Variants in FAM204A observed in about 807,000 individuals in gnomAD.
FAM204A encodes the protein protein FAM204A.
FAM204A carries 16 observed loss-of-function variants against 35.4 expected under a neutral mutation model. The ratio of observed to expected loss-of-function variants is 0.45; its 90% CI spans 0.31 to 0.69. FAM204A has a LOEUF of 0.69. Ranked by LOEUF, FAM204A falls within the 30% of genes least tolerant of loss-of-function variation. The probability of loss-of-function intolerance (pLI) is 0.07; values close to 1 mark genes in which losing one functional copy is unlikely to be tolerated. For synonymous variants in FAM204A, 76 were observed against 86.9 expected (o/e 0.88, Z 0.70); for missense variants, 240 against 265.7 (o/e 0.90, Z 0.67).
Position 118,310,763 on chromosome 10 carries a change from G to T in FAM204A, c.*94C>A. On this transcript the variant is annotated 3_prime_UTR_variant, in exon 9 of 9. Coordinates refer to ENST00000369183, the MANE Select transcript of FAM204A (RefSeq NM_022063.3). Reference sequence around the variant, plus strand: ...ATTTTATGCTTATTTTTGTTTTAGTGCTATCAATTTTCTGACATATTAACA... The same window carrying T: ...ATTTTATGCTTATTTTTGTTTTAGTTCTATCAATTTTCTGACATATTAACA... 1.9e-6 allele frequency: 2 copies of T among 1,041,968 alleles called. No homozygotes were observed. The highest frequency in any genetic ancestry group is 2.9e-6 in the Non-Finnish European group (2 of 695,770). The allele number at this position is 1,041,968 out of a possible 1,614,324, so 64.5% of individuals were successfully genotyped here.
At chr10:118,327,051 T>G (rs963790119) in intron 6 of FAM204A, among the ~76,000 whole-genome samples, 2 of 152,172 alleles carry the variant, frequency 1.3e-5, no homozygotes, top group Non-Finnish European at 2.9e-5. Context: ...TTTGTGAAAA[T>G]AGTTGCTACA....
intron 6 of FAM204A, among the ~76,000 whole-genome samples, chr10:118,332,833 C>T (rs955581974): frequency 2.0e-5 from 3 of 152,210 alleles, no homozygotes; most frequent in African/African-American, 7.2e-5. Flanking sequence ...CATAAAACTA[C>T]TTCAATAATG....
At position 118,302,641 on chromosome 10, in the gene FAM204A, G is replaced by A. The variant is rs1049698692; in HGVS notation, c.*8216C>T. The A allele has an allele frequency of 3.3e-5, 5 of 152,208 alleles. No homozygotes were observed. The highest frequency in any genetic ancestry group is 1.9e-4 in the East Asian group (1 of 5,198). 9.4% of individuals were successfully genotyped at this position (152,208 alleles called of 1,614,324 possible). A position where few individuals can be genotyped will look rare whatever the true frequency, so the allele number is the denominator to read the frequency against. ...GCTGGCAAGGAAGCAAGTACCAAGC[G>A]AGGATTCCAATTGAGTTCTTTGACA... On this transcript the variant is annotated 3_prime_UTR_variant, in exon 9 of 9. Coordinates refer to ENST00000369183, the MANE Select transcript of FAM204A (RefSeq NM_022063.3).
rs1845847706 is a variant in FAM204A, at chr10:118,305,062, A to T, written c.*5795T>A. ...CGTAACTTCCCGCCAGTGCTCTTCC[A>T]TGCTCTTTTCCCTTCCAGCTGACTG... On this transcript the variant is annotated 3_prime_UTR_variant, in exon 9 of 9. Transcript: ENST00000369183. 1 of 152,154 alleles carries T rather than the reference A, an allele frequency of 6.6e-6. No individual in the cohort carries two copies. Among genetic ancestry groups the T allele is most frequent in the Non-Finnish European group, 1.5e-5 (1 of 68,066 alleles). The allele number at this position is 152,154 out of a possible 1,614,324, so 9.4% of individuals were successfully genotyped here.
intron 7 of FAM204A, among the ~76,000 whole-genome samples, chr10:118,312,653 C>T (rs1052258877): frequency 3.3e-5 from 5 of 152,074 alleles, no homozygotes; most frequent in African/African-American, 9.7e-5. Context: ...ACTACGGTGC[C>T]GAATTGGTCA....
intron 6 of FAM204A, among the ~76,000 whole-genome samples, chr10:118,332,827 A>T (rs1846314498): frequency 6.6e-6 from 1 of 152,254 alleles, no homozygotes; most frequent in Non-Finnish European, 1.5e-5. Flanking sequence ...GGTATACATA[A>T]AACTACTTCA....
chr10:118,330,611 C>T (rs1193373061), intron 6 of FAM204A, among the ~76,000 whole-genome samples: 1 of 152,102 alleles, frequency 6.6e-6, no homozygotes, highest in Non-Finnish European at 1.5e-5. Flanking sequence ...TGTTTTTAGC[C>T]CTTTTCTCTT....
At chr10:118,311,471 A>G (rs1263288315) in intron 7 of FAM204A, 158 bp from the exon 8 acceptor site, 1 of 615,196 alleles carries the variant, frequency 1.6e-6, no homozygotes, top group East Asian at 2.9e-5. Context: ...ATGAATACAA[A>G]GACAGGACCC....
At chr10:118,312,684 G>A (rs1462179305) in intron 7 of FAM204A, among the ~76,000 whole-genome samples, 3 of 152,172 alleles carry the variant, frequency 2.0e-5, no homozygotes, top group Non-Finnish European at 4.4e-5. Flanking sequence ...GAAAGGCGCC[G>A]AAGAAAGGAT....
At chr10:118,327,639 C>T (rs1414915462) in intron 6 of FAM204A, among the ~76,000 whole-genome samples, 2 of 152,186 alleles carry the variant, frequency 1.3e-5, no homozygotes, top group Admixed American at 1.3e-4. Context: ...GGACCTCTAA[C>T]TTGATGCACT....
chr10:118,341,700 AGTC>A (rs1465195969), intron 2 of FAM204A, 24 bp downstream of exon 2: 1 of 152,214 alleles, frequency 6.6e-6, no homozygotes, highest in East Asian at 1.9e-4. Flanking sequence ...GCTCATTTTA[AGTC>A]GATTCCGCTG....
At position 118,326,254 on chromosome 10, in the gene FAM204A, A is replaced by C. The variant is rs375901334; in HGVS notation, c.454-11T>G. The C allele has an allele frequency of 6.2e-7, 1 of 1,607,742 alleles. No homozygotes were observed. Among genetic ancestry groups the C allele is most frequent in the African/African-American group, 1.3e-5 (1 of 74,492 alleles). The stretch of plus-strand genomic sequence containing the variant: ...CTTTTCAAGGCCTGACTAGAAAAAA[A>C]AGAAACCTAAAATTAAGGGCTGGAA... On this transcript the variant is annotated splice_polypyrimidine_tract_variant and intron_variant, in intron 6 of 8. Transcript: ENST00000369183.
At chr10:118,325,829 T>A (rs143701364) in intron 7 of FAM204A, among the ~76,000 whole-genome samples, 292 of 152,242 alleles carry the variant, frequency 1.9e-3, no homozygotes, top group African/African-American at 6.4e-3. Flanking sequence ...AGAGTTCAAA[T>A]GAGTTAAAGA....
intron 6 of FAM204A, among the ~76,000 whole-genome samples, chr10:118,331,951 G>A (rs754126189): frequency 4.7e-5 from 7 of 150,176 alleles, no homozygotes; most frequent in Admixed American, 2.7e-4. Flanking sequence ...CAAGGCAGGC[G>A]GATCACAAGG....
intron 6 of FAM204A, among the ~76,000 whole-genome samples, chr10:118,331,162 T>C (rs924771983): frequency 1.3e-5 from 2 of 152,180 alleles, no homozygotes; most frequent in African/African-American, 4.8e-5. Context: ...ACTTTGTCAG[T>C]AAGCAATCTC....
chr10:118,330,529 A>G (rs1057155757), intron 6 of FAM204A, among the ~76,000 whole-genome samples: 4 of 152,246 alleles, frequency 2.6e-5, no homozygotes, highest in African/African-American at 9.6e-5. Context: ...CTCAAAGATA[A>G]TAAGAAGACT....
At chr10:118,314,766 A>G (rs928841592) in intron 7 of FAM204A, among the ~76,000 whole-genome samples, 1 of 152,202 alleles carries the variant, frequency 6.6e-6, no homozygotes, top group Non-Finnish European at 1.5e-5. Context: ...AATATATACA[A>G]AATTTCTTGT....
intron 7 of FAM204A, among the ~76,000 whole-genome samples, chr10:118,315,077 GC>G (rs1846010207): frequency 6.6e-6 from 1 of 152,046 alleles, no homozygotes; most frequent in Non-Finnish European, 1.5e-5. Flanking sequence ...GACCCTTGAG[GC>G]ATTCATCTTT....
intron 6 of FAM204A, among the ~76,000 whole-genome samples, chr10:118,334,654 C>T (rs1846350462): frequency 6.6e-6 from 1 of 152,184 alleles, no homozygotes; most frequent in African/African-American, 2.4e-5. Flanking sequence ...TGAGGTCCTA[C>T]ACAATTTGGT....
Sources: gnomAD v4.1 joint callset for allele counts (sites outside exome capture counted in the v4.1 genomes callset) on GRCh38, gnomAD v4.1.1 for gene constraint, MANE v1.5 for transcripts, NCBI Gene and HGNC (gene_info 2026-07-23, HGNC 2026-07-21) for gene names.